The following SGCZ variants were observed in gnomAD, a reference collection of about 807,000 sequenced individuals.
The protein encoded by SGCZ is sarcoglycan zeta, also known as zeta-sarcoglycan.
A neutral mutation model predicts 41.3 loss-of-function variants in SGCZ; 40 were observed. The observed-to-expected ratio is 0.97, with a 90% CI of 0.75 to 1.26. The LOEUF (loss-of-function observed/expected upper bound fraction) is 1.26. SGCZ is among the 50% of genes most tolerant of loss of function. The probability of loss-of-function intolerance (pLI) is 0.00; values close to 1 mark genes in which losing one functional copy is unlikely to be tolerated. For synonymous variants in SGCZ, 206 were observed against 137.5 expected (o/e 1.50, Z -3.49); for missense variants, 552 against 369.8 (o/e 1.49, Z -4.04).
intron 1 of SGCZ, among the ~76,000 whole-genome samples, chr8:14,585,888 T>C (rs1459326835): frequency 6.6e-6 from 1 of 152,158 alleles, no homozygotes; most frequent in Non-Finnish European, 1.5e-5. Context: ...CAGTAAATCA[T>C]GCAGTGGTGA....
intron 4 of SGCZ, among the ~76,000 whole-genome samples, chr8:14,172,577 G>A (rs1353963207): frequency 6.6e-6 from 1 of 152,104 alleles, no homozygotes; most frequent in East Asian, 1.9e-4. Flanking sequence ...CAAAATGTTT[G>A]TTGTAATTGT....
chr8:14,493,069 T>C (rs1339113955), intron 2 of SGCZ, among the ~76,000 whole-genome samples: 1 of 152,136 alleles, frequency 6.6e-6, no homozygotes, highest in Non-Finnish European at 1.5e-5. Context: ...GTTTCTCTTT[T>C]CTATATCCAG....
At chr8:14,880,122 T>G (rs1184858091) in intron 1 of SGCZ, among the ~76,000 whole-genome samples, 1 of 152,142 alleles carries the variant, frequency 6.6e-6, no homozygotes, top group East Asian at 1.9e-4. Flanking sequence ...AATACAGGCA[T>G]GAGCCACTGC....
chr8:14,406,719 C>T (rs1445047090), intron 2 of SGCZ, among the ~76,000 whole-genome samples: 2 of 127,156 alleles, frequency 1.6e-5, no homozygotes, highest in South Asian at 2.2e-4. Flanking sequence ...CCCCTTTCTA[C>T]GCAACAACAT....
intron 1 of SGCZ, among the ~76,000 whole-genome samples, chr8:15,198,396 AG>A (rs1040467898): frequency 2.0e-5 from 3 of 152,010 alleles, no homozygotes; most frequent in Non-Finnish European, 4.4e-5. Flanking sequence ...TAAATTTCAC[AG>A]GGCCTTTAGG....
chr8:14,460,037 T>C (rs1800857793), intron 2 of SGCZ, among the ~76,000 whole-genome samples: 1 of 152,120 alleles, frequency 6.6e-6, no homozygotes, highest in African/African-American at 2.4e-5. Context: ...TTAAGTGAAA[T>C]TCAAATAAGG....
chr8:14,191,872 G>C (rs1459477679), intron 4 of SGCZ, among the ~76,000 whole-genome samples: 1 of 151,962 alleles, frequency 6.6e-6, no homozygotes, highest in African/African-American at 2.4e-5. Context: ...TCCATATCCT[G>C]TAGGATTCCT....
intron 2 of SGCZ, among the ~76,000 whole-genome samples, chr8:14,460,431 C>G (rs1342350434): frequency 6.6e-6 from 1 of 152,046 alleles, no homozygotes; most frequent in Non-Finnish European, 1.5e-5. Context: ...TGTATATTAA[C>G]TGGAGAGCAG....
At chr8:14,510,148 A>G (rs1563376175) in intron 2 of SGCZ, among the ~76,000 whole-genome samples, 4 of 152,156 alleles carry the variant, frequency 2.6e-5, no homozygotes. Flanking sequence ...ACACTCAGAA[A>G]AATATAATTT....
At position 14,708,111 on chromosome 8, in the gene SGCZ, T is replaced by C. The variant is rs539375733; in HGVS notation, c.40-153185A>G. ...CCATAATTTCAAGTTAATTTTTCTA[T>C]AAATTCAAATTTAATTTAAATTTTA... On this transcript the variant is annotated intron_variant, in intron 1 of 7. Transcript: ENST00000382080. Among the ~76,000 whole-genome samples, 210 of 152,148 alleles carry C rather than the reference T, an allele frequency of 1.4e-3. 4 individuals carry two copies. Among genetic ancestry groups the C allele is most frequent in the African/African-American group, 4.8e-3 (201 of 41,556 alleles).
At chr8:14,361,252 C>T (rs1423354671) in intron 2 of SGCZ, among the ~76,000 whole-genome samples, 1 of 152,086 alleles carries the variant, frequency 6.6e-6, no homozygotes, top group African/African-American at 2.4e-5. Flanking sequence ...TGGTAAAGTT[C>T]TCCTGGATAA....
At chr8:15,148,383 G>C (rs1799090841) in intron 1 of SGCZ, among the ~76,000 whole-genome samples, 1 of 152,120 alleles carries the variant, frequency 6.6e-6, no homozygotes, top group Non-Finnish European at 1.5e-5. Context: ...ATGTCAGTTT[G>C]ATTTTTGCTC....
At chr8:14,809,165 G>A (rs1801661043) in intron 1 of SGCZ, among the ~76,000 whole-genome samples, 1 of 151,922 alleles carries the variant, frequency 6.6e-6, no homozygotes, top group African/African-American at 2.4e-5. Flanking sequence ...CACCAGCGTG[G>A]CACATGTATA....
At chr8:14,682,471 G>A (rs1808478723) in intron 1 of SGCZ, among the ~76,000 whole-genome samples, 1 of 140,716 alleles carries the variant, frequency 7.1e-6, no homozygotes, top group South Asian at 2.2e-4. Context: ...GTCTTGCTCT[G>A]TCGCCCAGGC....
chr8:14,382,225 C>A (rs1390327230), intron 2 of SGCZ, among the ~76,000 whole-genome samples: 1 of 152,086 alleles, frequency 6.6e-6, no homozygotes, highest in Non-Finnish European at 1.5e-5. Flanking sequence ...CCCTTGAGCT[C>A]TTCTGTGTAG....
chr8:14,686,010 C>A (rs573599454), intron 1 of SGCZ, among the ~76,000 whole-genome samples: 26 of 152,108 alleles, frequency 1.7e-4, no homozygotes. Context: ...TAAGGAAGCC[C>A]ATACTTCTAC....
chr8:15,146,800 G>A (rs1452774269), intron 1 of SGCZ, among the ~76,000 whole-genome samples: 1 of 151,972 alleles, frequency 6.6e-6, no homozygotes, highest in Non-Finnish European at 1.5e-5. Context: ...GATCTTTTCT[G>A]AATTATTCTT....
intron 1 of SGCZ, among the ~76,000 whole-genome samples, chr8:14,749,471 TA>T (rs557909981): frequency 5.8e-4 from 89 of 152,296 alleles, no homozygotes; most frequent in African/African-American, 2.0e-3. Context: ...TCATGTAATA[TA>T]ATAAATCTAG....
At chr8:14,128,569 T>G (rs1017018994) in intron 5 of SGCZ, among the ~76,000 whole-genome samples, 8 of 152,118 alleles carry the variant, frequency 5.3e-5, no homozygotes, top group African/African-American at 1.9e-4. Context: ...TAAGGGAAAG[T>G]AAATCATTTT....
Sources: gnomAD v4.1 joint callset for allele counts (sites outside exome capture counted in the v4.1 genomes callset) on GRCh38, gnomAD v4.1.1 for gene constraint, MANE v1.5 for transcripts, NCBI Gene and HGNC (gene_info 2026-07-23, HGNC 2026-07-21) for gene names.